The following PCARE variants were observed in gnomAD, a reference collection of about 807,000 sequenced individuals.
PCARE encodes uncharacterized protein C2orf71.
PCARE carries 72 observed loss-of-function variants against 82.2 expected under a neutral mutation model. The observed-to-expected ratio is 0.88, with a 90% CI of 0.72 to 1.07. PCARE has a LOEUF of 1.07. Among genes scored for constraint, PCARE ranks in the 50% least tolerant of loss-of-function variants. PCARE has a pLI of 0.00. For synonymous variants in PCARE, 705 were observed against 634.8 expected (o/e 1.11, Z -1.66); for missense variants, 1,768 against 1,592.4 (o/e 1.11, Z -1.88).
Position 29,063,446 on chromosome 2 carries a change from G to A in PCARE, c.*1423C>T, listed in dbSNP as rs1667341688. 1 of 152,648 alleles carries A rather than the reference G, an allele frequency of 6.6e-6. No homozygotes were observed. Among genetic ancestry groups the A allele is most frequent in the Non-Finnish European group, 1.5e-5 (1 of 68,054 alleles). The allele number at this position is 152,648 out of a possible 1,614,324, so 9.5% of individuals were successfully genotyped here. A position where few individuals can be genotyped will look rare whatever the true frequency, so the allele number is the denominator to read the frequency against. On this transcript the variant is annotated 3_prime_UTR_variant, in exon 2 of 2. Transcript: ENST00000331664. ...ATAATAATTGGACAAGTCAAGGTGG[G>A]ATTCATTTACTCAGAGTCATAGCCT... is the stretch of plus-strand genomic sequence containing the variant.
chr2:29,067,692 G>A (rs545729896), intron 1 of PCARE, among the ~76,000 whole-genome samples: 3 of 152,222 alleles, frequency 2.0e-5, no homozygotes, highest in Middle Eastern at 3.4e-3. Context: ...CTACAGGTGC[G>A]TGCCACCATA....
chr2:29,069,848 C>T (rs2148414379), intron 1 of PCARE, among the ~76,000 whole-genome samples: 1 of 152,266 alleles, frequency 6.6e-6, no homozygotes, highest in South Asian at 2.1e-4. Context: ...CACGCAAAGG[C>T]TCTTTTGGGC....
chr2:29,072,336 C>T lies in PCARE; in HGVS notation c.1926G>A (p.Leu642=), dbSNP rs375165109. ...KGQGQSQEQI[L]QPRAAAVWPN... ...GCCACACGGCGGCTGCTCTGGGCTG[C>T]AGAATTTGCTCCTGGCTCTGCCCCT... Residue 642 remains leucine (L), a synonymous_variant, in exon 1 of 2, where the codon CTG becomes CTA. Coordinates refer to ENST00000331664, the MANE Select transcript of PCARE (RefSeq NM_001029883.3). The T allele has an allele frequency of 4.3e-6, 7 of 1,614,020 alleles. No homozygotes were observed. The highest frequency in any genetic ancestry group is 8.5e-7 in the Non-Finnish European group (1 of 1,180,042).
Position 29,072,708 on chromosome 2 carries a change from A to C in PCARE, c.1554T>G (p.Pro518=). 5.0e-6 allele frequency: 8 copies of C among 1,614,060 alleles called. No homozygotes were observed. Among genetic ancestry groups the C allele is most frequent in the Non-Finnish European group, 6.8e-6 (8 of 1,180,008 alleles). The change falls in exon 1 of 2, where the codon CCT becomes CCG. Residue 518 remains proline, a synonymous_variant. Coordinates refer to ENST00000331664, the MANE Select transcript of PCARE (RefSeq NM_001029883.3). ...KTPHSRPQSS[P]ADRESPFQAR... is the part of the protein sequence containing the mutation. The stretch of plus-strand genomic sequence containing the variant: ...CCTGAAATGGGCTTTCCCGGTCAGC[A>C]GGTGAAGATTGTGGCCTTGAATGTG...
Position 29,071,717 on chromosome 2 carries a change from G to C in PCARE, c.2545C>G (p.Pro849Ala), listed in dbSNP as rs747885494. Residue 849 changes from proline to alanine, a missense_variant, in exon 1 of 2, where the codon CCA becomes GCA. Pro to Ala is a conservative substitution (Grantham distance 27). Coordinates refer to ENST00000331664, the MANE Select transcript of PCARE (RefSeq NM_001029883.3). ...MDKSFASLES[P>A]ESSKSTENSP... ...TTCTCTGTGGACTTGCTGCTTTCTG[G>C]GGACTCCAGAGAAGCGAATGATTTG... The C allele has an allele frequency of 5.0e-6, 8 of 1,614,098 alleles. No homozygotes were observed. In the South Asian group the frequency reaches 8.8e-5, roughly 18 times the overall value.
At position 29,072,089 on chromosome 2, in the gene PCARE, A is replaced by AGCCTC; in HGVS notation, c.2168_2172dup (p.Cys725GlufsTer22). 1 of 1,614,262 alleles carries AGCCTC rather than the reference A, an allele frequency of 6.2e-7. No homozygotes were observed. Among genetic ancestry groups the AGCCTC allele is most frequent in the Non-Finnish European group, 8.5e-7 (1 of 1,180,052 alleles). On this transcript the variant is annotated frameshift_variant, in exon 1 of 2. Coordinates refer to ENST00000331664, the MANE Select transcript of PCARE (RefSeq NM_001029883.3). LOFTEE classifies it high-confidence loss of function. ...TTCTTGACGGATGTTCTGGTGGGAC[A>AGCCTC]GCCTCTGACATTCCAGTCTGTGGCC... is the stretch of plus-strand genomic sequence containing the variant.
chr2:29,065,430 C>A (rs571593440), intron 1 of PCARE, among the ~76,000 whole-genome samples: 1 of 152,338 alleles, frequency 6.6e-6, no homozygotes, highest in South Asian at 2.1e-4. Flanking sequence ...TAGGCTTAGC[C>A]AGTTGAATTA....
chr2:29,074,334 G>GGCAAT lies in PCARE; in HGVS notation c.-78_-74dup, dbSNP rs1266348933. 7 of 1,483,612 alleles carry GGCAAT rather than the reference G, an allele frequency of 4.7e-6. No individual in the cohort carries two copies. The highest frequency in any genetic ancestry group is 6.3e-6 in the Non-Finnish European group (7 of 1,113,820). 91.9% of individuals were successfully genotyped at this position (1,483,612 alleles called of 1,614,324 possible). On this transcript the variant is annotated 5_prime_UTR_variant, in exon 1 of 2. An upstream open reading frame in the 5' UTR gains an earlier in-frame stop. Transcript: ENST00000331664. ...AATCATATTTGAAATAGGAACAAAA[G>GGCAAT]GCAATCTTACTAGTCCATCCAGGCA...
Position 29,064,838 on chromosome 2 carries a change from A to T in PCARE, c.*31T>A. 4 of 1,607,876 alleles carry T rather than the reference A, an allele frequency of 2.5e-6. No individual in the cohort carries two copies. Among genetic ancestry groups the T allele is most frequent in the Non-Finnish European group, 3.4e-6 (4 of 1,179,826 alleles). On this transcript the variant is annotated 3_prime_UTR_variant, in exon 2 of 2. Transcript: ENST00000331664. ...CTGTCACACTTGGCCTTCTGGGGTG[A>T]CTGCGTGAGTGTGGCCCCCTCGTCA...
chr2:29,071,242 T>G lies in PCARE; in HGVS notation c.3020A>C (p.Lys1007Thr). 6.2e-7 allele frequency: 1 copy of G among 1,612,758 alleles called. No individual in the cohort carries two copies. Among genetic ancestry groups the G allele is most frequent in the Non-Finnish European group, 8.5e-7 (1 of 1,179,442 alleles). Residue 1007 changes from lysine to threonine, a missense_variant, in exon 1 of 2, where the codon AAG (lysine) becomes ACG (threonine). By Grantham distance (78) the Lys-to-Thr change is moderately conservative. Transcript: ENST00000331664. ...AGAGGAGGGAAGGCTCCGGCGCCTC[T>G]TGTCTGCTTGAGGCACCCAGTGTGT... ...TRTHWVPQAD[K>T]RRRSLPSSYR...
chr2:29,071,082 G>A lies in PCARE; in HGVS notation c.3180C>T (p.Pro1060=), dbSNP rs780486689. ...TGCACTGAGCAGGTGCACTCTCGGGGGGAGGGTTGGGCAACTTGGGCTGGT... is the reference window on the plus strand; with the variant it reads ...TGCACTGAGCAGGTGCACTCTCGGGAGGAGGGTTGGGCAACTTGGGCTGGT... The part of the protein sequence containing the change: ...PPHQPKLPNP[P]PESAPAQCKV... Residue 1060 remains proline (P), a synonymous_variant, in exon 1 of 2, where the codon CCC becomes CCT. Coordinates refer to ENST00000331664, the MANE Select transcript of PCARE (RefSeq NM_001029883.3). 1.3e-6 allele frequency: 2 copies of A among 1,590,636 alleles called. No individual in the cohort carries two copies. Among genetic ancestry groups the A allele is most frequent in the East Asian group, 2.2e-5 (1 of 44,480 alleles).
intron 1 of PCARE, among the ~76,000 whole-genome samples, chr2:29,065,612 C>A (rs1308201827): frequency 6.6e-6 from 1 of 152,186 alleles, no homozygotes; most frequent in Non-Finnish European, 1.5e-5. Flanking sequence ...GGGAGAGGAC[C>A]CCCACAGGAG....
rs774720788 is a variant in PCARE, at chr2:29,070,931, C to A, written c.3331G>T (p.Val1111Phe). 2 of 1,613,302 alleles carry A rather than the reference C, an allele frequency of 1.2e-6. No individual in the cohort carries two copies. Among genetic ancestry groups the A allele is most frequent in the Non-Finnish European group, 1.7e-6 (2 of 1,179,964 alleles). ...GTGTTCCCAGACACTTTGGCTATGA[C>A]TGCTTGGCTGTCTTCAGAGTCTCTT... is the stretch of plus-strand genomic sequence containing the variant. ...ETRDSEDSQA[V>F]IAKVSGNTHS... Residue 1111 changes from valine to phenylalanine, a missense_variant, in exon 1 of 2, where the codon GTC becomes TTC. Val to Phe is a conservative substitution (Grantham distance 50). Transcript: ENST00000331664.
rs1667528160 is a variant in PCARE, at chr2:29,073,359, G to GT, written c.902dup (p.His301GlnfsTer10). 1 of 1,613,972 alleles carries GT rather than the reference G, an allele frequency of 6.2e-7. No homozygotes were observed. The highest frequency in any genetic ancestry group is 2.2e-5 in the East Asian group (1 of 44,888). On this transcript the variant is annotated frameshift_variant, in exon 1 of 2. Coordinates refer to ENST00000331664, the MANE Select transcript of PCARE (RefSeq NM_001029883.3). LOFTEE classifies it high-confidence loss of function. ...TATTTTCCAAGTGGGTTGCAGTGGA[G>GT]TGGAGGTAGCTGCTGGAGCCCTCCA...
rs372676659 is a variant in PCARE, at chr2:29,072,099, A to G, written c.2163T>C (p.Asn721=). ...ATGTTCTGGTGGGACAGCCTCTGAC[A>G]TTCCAGTCTGTGGCCTTGGCAGCCT... The part of the protein sequence containing the change: ...VSEAAKATDW[N]VRGCPTRTSV... The change falls in exon 1 of 2, where the codon AAT becomes AAC. Residue 721 remains asparagine, a synonymous_variant. Transcript: ENST00000331664. The G allele has an allele frequency of 1.2e-6, 2 of 1,614,202 alleles. No individual in the cohort carries two copies. Among genetic ancestry groups the G allele is most frequent in the Non-Finnish European group, 8.5e-7 (1 of 1,180,046 alleles).
In PCARE at chr2:29,064,798, AG is replaced by A. The variant is rs1667366881; in HGVS notation, c.*70del. Reference sequence around the variant, plus strand: ...TTGGTTTGCCCATCATCTCTGGGTCAGGCTGGACACTTGGCTGTCACACTTG... The same window carrying A: ...TTGGTTTGCCCATCATCTCTGGGTCAGCTGGACACTTGGCTGTCACACTTG... On this transcript the variant is annotated 3_prime_UTR_variant, in exon 2 of 2. Coordinates refer to ENST00000331664, the MANE Select transcript of PCARE (RefSeq NM_001029883.3). The A allele has an allele frequency of 6.3e-7, 1 of 1,592,438 alleles. No homozygotes were observed. Among genetic ancestry groups the A allele is most frequent in the African/African-American group, 1.3e-5 (1 of 74,646 alleles).
intron 1 of PCARE, among the ~76,000 whole-genome samples, 185 bp from the exon 2 acceptor site, chr2:29,065,252 T>C (rs1345955402): frequency 6.6e-6 from 1 of 152,150 alleles, no homozygotes; most frequent in East Asian, 1.9e-4. Flanking sequence ...CATTGCCGTG[T>C]GCCTGCAGGG....
rs1667361738 is a variant in PCARE at position 29,064,471 on chromosome 2, C to T, written c.*398G>A. On this transcript the variant is annotated 3_prime_UTR_variant, in exon 2 of 2. Transcript: ENST00000331664. ...CCCACACCTTCGGTTTTCATATGCG[C>T]AAAACTGAAGAATGCTATGTGCTTC... The T allele has an allele frequency of 3.4e-6, 1 of 296,332 alleles. No individual in the cohort carries two copies. Among genetic ancestry groups the T allele is most frequent in the Non-Finnish European group, 6.5e-6 (1 of 154,894 alleles). 18.4% of individuals were successfully genotyped at this position (296,332 alleles called of 1,614,324 possible).
chr2:29,063,343 G>C lies in PCARE; in HGVS notation c.*1526C>G, dbSNP rs1667340527. The stretch of plus-strand genomic sequence containing the variant: ...AGGAGCAAATGCGAGCAGACAGCTG[G>C]GTGTGTCCCTTTCCAGCAGAGGGGT... On this transcript the variant is annotated 3_prime_UTR_variant, in exon 2 of 2. Coordinates refer to ENST00000331664, the MANE Select transcript of PCARE (RefSeq NM_001029883.3). 1 of 152,276 alleles carries C rather than the reference G, an allele frequency of 6.6e-6. No homozygotes were observed. Among genetic ancestry groups the C allele is most frequent in the African/African-American group, 2.4e-5 (1 of 41,436 alleles). 9.4% of individuals were successfully genotyped at this position (152,276 alleles called of 1,614,324 possible).
Sources: allele counts gnomAD v4.1 joint callset (sites outside exome capture counted in the v4.1 genomes callset), GRCh38; gene constraint gnomAD v4.1.1; transcripts MANE v1.5; gene names NCBI Gene and HGNC (gene_info 2026-07-23, HGNC 2026-07-21).